The following KPNA3 variants were observed in gnomAD, a reference collection of about 807,000 sequenced individuals.
KPNA3 encodes the protein importin subunit alpha-4.
Under a neutral mutation model 73.8 loss-of-function variants are expected in KPNA3, and 13 were observed. That is an observed-to-expected ratio of 0.18 (90% CI 0.11 to 0.28). KPNA3 has a LOEUF of 0.28. Ranked by LOEUF, KPNA3 falls within the 10% of genes least tolerant of loss-of-function variation. KPNA3 has a pLI of 1.00. For missense variants in KPNA3, 360 were observed against 618.1 expected, an observed-to-expected ratio of 0.58 and a Z score of 4.43; for synonymous variants, 186 against 206.9, an observed-to-expected ratio of 0.90 and a Z score of 0.87.
chr13:49,769,625 TTGC>T (rs1954837181), intron 1 of KPNA3, among the ~76,000 whole-genome samples: 1 of 152,260 alleles, frequency 6.6e-6, no homozygotes, highest in Non-Finnish European at 1.5e-5. Context: ...CTCCTTTTTA[TTGC>T]TGAATAATAT....
intron 1 of KPNA3, among the ~76,000 whole-genome samples, chr13:49,748,072 C>T (rs1053185327): frequency 2.0e-5 from 3 of 152,156 alleles, no homozygotes; most frequent in African/African-American, 4.8e-5. Context: ...TAAATAATGC[C>T]TATATCCTTG....
At chr13:49,789,282 T>C (rs975192170) in intron 1 of KPNA3, among the ~76,000 whole-genome samples, 8 of 152,194 alleles carry the variant, frequency 5.3e-5, no homozygotes, top group African/African-American at 1.9e-4. Flanking sequence ...TGGATATTTA[T>C]TCACCAGTTA....
intron 7 of KPNA3, 54 bp downstream of exon 7, chr13:49,725,362 C>T (rs1033104690): frequency 1.5e-5 from 15 of 978,328 alleles, no homozygotes; most frequent in Admixed American, 2.6e-5. Context: ...CAAAACTCTA[C>T]TTCCTTGCCA....
chr13:49,709,145 G>T (rs1406532092), intron 12 of KPNA3, among the ~76,000 whole-genome samples: 1 of 152,198 alleles, frequency 6.6e-6, no homozygotes, highest in Non-Finnish European at 1.5e-5. Context: ...GCTCACGCCT[G>T]TAATCTCAGC....
chr13:49,706,216 G>T lies in KPNA3; in HGVS notation c.1138-47C>A, dbSNP rs771824781. 4.3e-6 allele frequency: 7 copies of T among 1,610,692 alleles called. No individual in the cohort carries two copies. In the African/African-American group the frequency reaches 9.4e-5, roughly 22 times the overall value. The stretch of plus-strand genomic sequence containing the variant: ...ATAAAATGGACTCTTTATCCAAAAA[G>T]TCTTGGTTATTAACAGATTAACAGA... On this transcript the variant is annotated intron_variant, in intron 13 of 16. Coordinates refer to ENST00000261667, the MANE Select transcript of KPNA3 (RefSeq NM_002267.4).
intron 2 of KPNA3, among the ~76,000 whole-genome samples, chr13:49,734,493 A>G (rs530767633): frequency 6.6e-6 from 1 of 152,340 alleles, no homozygotes; most frequent in African/African-American, 2.4e-5. Flanking sequence ...AGAAAAACAA[A>G]TAAACTAAAA....
At chr13:49,762,275 C>T (rs922630342) in intron 1 of KPNA3, among the ~76,000 whole-genome samples, 21 of 151,506 alleles carry the variant, frequency 1.4e-4, no homozygotes, top group Admixed American at 5.3e-4. Context: ...GCCATCGCCC[C>T]GTCCGGGAGG....
chr13:49,724,450 C>T (rs938856197), intron 7 of KPNA3, among the ~76,000 whole-genome samples: 4 of 152,046 alleles, frequency 2.6e-5, no homozygotes, highest in African/African-American at 9.6e-5. Context: ...ACTACAGGCG[C>T]CCGCCACCAT....
chr13:49,710,596 A>G (rs935403147), intron 11 of KPNA3, among the ~76,000 whole-genome samples: 1 of 152,254 alleles, frequency 6.6e-6, no homozygotes, highest in African/African-American at 2.4e-5. Flanking sequence ...AAGGAAGAAG[A>G]GCAGGTTTGT....
Position 49,701,888 on chromosome 13 carries a change from T to C in KPNA3, c.1478A>G (p.Asp493Gly). ...TGTTGCTTCAGGAATGAGGCAGGGA[T>C]CTTCATCAATCTGTAAAAAACAAGA... ...QYFSGDDIDE[D>G]PCLIPEATQG... The change falls in exon 17 of 17, where the codon GAT becomes GGT. Residue 493 changes from aspartate to glycine, a missense_variant. Transcript: ENST00000261667. 1 of 1,609,566 alleles carries C rather than the reference T, an allele frequency of 6.2e-7. No individual in the cohort carries two copies. Among genetic ancestry groups the C allele is most frequent in the Non-Finnish European group, 8.5e-7 (1 of 1,175,930 alleles).
At chr13:49,739,005 T>A (rs184709387) in intron 2 of KPNA3, among the ~76,000 whole-genome samples, 15 of 152,340 alleles carry the variant, frequency 9.8e-5, no homozygotes, top group Admixed American at 9.1e-4. Flanking sequence ...AGGCAATTCC[T>A]TTCTATTCCT....
rs1954622400 is a variant in KPNA3 at position 49,746,986 on chromosome 13, C to T, written c.77G>A (p.Arg26Gln). 3 of 1,607,926 alleles carry T rather than the reference C, an allele frequency of 1.9e-6. No individual in the cohort carries two copies. Among genetic ancestry groups the T allele is most frequent in the Non-Finnish European group, 2.6e-6 (3 of 1,175,114 alleles). ...CACTGTCACTTCATTTCTATGTCTT[C>T]GCATTGTCTAGAAAAGAAAAACAAA... ...KNKGRDVETM[R>Q]RHRNEVTVEL... The change falls in exon 2 of 17, where the codon CGA (arginine) becomes CAA (glutamine). Residue 26 changes from arginine (R) to glutamine (Q), a missense_variant. Transcript: ENST00000261667.
chr13:49,779,356 A>C (rs1364685067), intron 1 of KPNA3, among the ~76,000 whole-genome samples: 2 of 152,132 alleles, frequency 1.3e-5, no homozygotes, highest in Non-Finnish European at 2.9e-5. Context: ...TCTATAGTTA[A>C]CGTTGTCAAA....
chr13:49,785,823 G>C (rs969325836), intron 1 of KPNA3, among the ~76,000 whole-genome samples: 1 of 152,100 alleles, frequency 6.6e-6, no homozygotes, highest in Non-Finnish European at 1.5e-5. Context: ...TCCAAACTTA[G>C]GAAGAAGAGG....
At chr13:49,705,124 T>G (rs147381470) in intron 15 of KPNA3, among the ~76,000 whole-genome samples, 75 of 152,232 alleles carry the variant, frequency 4.9e-4, no homozygotes, top group African/African-American at 1.8e-3. Flanking sequence ...TTTGGGACGC[T>G]GAGGCAGGTG....
intron 10 of KPNA3, among the ~76,000 whole-genome samples, chr13:49,711,757 T>C (rs1954262287): frequency 6.6e-6 from 1 of 152,194 alleles, no homozygotes; most frequent in Non-Finnish European, 1.5e-5. Context: ...AATCAAGATG[T>C]TTCCTATTAG....
intron 1 of KPNA3, among the ~76,000 whole-genome samples, chr13:49,771,769 T>G (rs971773413): frequency 3.9e-5 from 6 of 152,200 alleles, no homozygotes; most frequent in African/African-American, 1.4e-4. Flanking sequence ...TCCTCCCACC[T>G]TAGCCTCTAG....
chr13:49,770,805 G>C (rs1293338700), intron 1 of KPNA3, among the ~76,000 whole-genome samples: 1 of 141,160 alleles, frequency 7.1e-6, no homozygotes, highest in Non-Finnish European at 1.5e-5. Flanking sequence ...TGCCACCCTT[G>C]CTGAAAATCA....
At chr13:49,727,886 C>A (rs1313932386) in intron 6 of KPNA3, among the ~76,000 whole-genome samples, 2 of 152,120 alleles carry the variant, frequency 1.3e-5, no homozygotes, top group Non-Finnish European at 2.9e-5. Context: ...TAAAACTTTA[C>A]GGGGAAAATG....
Sources: allele counts gnomAD v4.1 joint callset (sites outside exome capture counted in the v4.1 genomes callset), GRCh38; gene constraint gnomAD v4.1.1; transcripts MANE v1.5; gene names NCBI Gene and HGNC (gene_info 2026-07-23, HGNC 2026-07-21).